CNTNAP2: variants seen among roughly 807,000 people sequenced by gnomAD.
CNTNAP2 encodes the protein contactin-associated protein-like 2.
CNTNAP2 carries 98 observed loss-of-function variants against 155.2 expected under a neutral mutation model. The observed-to-expected ratio is 0.63, with a 90% CI of 0.54 to 0.75. The LOEUF (loss-of-function observed/expected upper bound fraction) is 0.75, where lower values mean the gene tolerates loss of function less well. Ranked by LOEUF, CNTNAP2 falls within the 30% of genes least tolerant of loss-of-function variation. CNTNAP2 has a pLI of 0.00. For synonymous variants in CNTNAP2, 651 were observed against 631.2 expected, an observed-to-expected ratio of 1.03 and a Z score of -0.47; for missense variants, 1,727 against 1,688.1, an observed-to-expected ratio of 1.02 and a Z score of -0.40.
At chr7:147,580,771 G>T (rs976027477) in intron 12 of CNTNAP2, among the ~76,000 whole-genome samples, 4 of 151,962 alleles carry the variant, frequency 2.6e-5, no homozygotes, top group African/African-American at 9.7e-5. Flanking sequence ...ATGTGCCACC[G>T]TGCCCAGCTA....
chr7:148,254,517 C>G (rs1297151801), intron 20 of CNTNAP2, among the ~76,000 whole-genome samples: 1 of 152,098 alleles, frequency 6.6e-6, no homozygotes, highest in African/African-American at 2.4e-5. Flanking sequence ...TGGCTCATAC[C>G]TATAATCCCA....
At chr7:146,134,039 C>T (rs541719984) in intron 1 of CNTNAP2, among the ~76,000 whole-genome samples, 1 of 148,868 alleles carries the variant, frequency 6.7e-6, no homozygotes, top group South Asian at 2.2e-4. Flanking sequence ...ATTCTTCCTA[C>T]CCATGAGCAT....
At position 146,712,175 on chromosome 7, in the gene CNTNAP2, T is replaced by TA. The variant is rs1448087600; in HGVS notation, c.98-62096_98-62095insA. 3.7e-3 allele frequency among the ~76,000 whole-genome samples: 402 copies of TA among 108,456 alleles called. 54 individuals are homozygous for TA. Among genetic ancestry groups the TA allele is most frequent in the African/African-American group, 0.016 (379 of 23,558 alleles). 71.2% of individuals were successfully genotyped at this position (108,456 alleles called of 152,430 possible). ...TATACATATCTTATGTATACAAATA[T>TA]GTATACATATCTTATGTATACAAAT... is the stretch of plus-strand genomic sequence containing the variant. On this transcript the variant is annotated intron_variant, in intron 1 of 23. Transcript: ENST00000361727.
rs565996923 is a variant in CNTNAP2 at position 148,377,478 on chromosome 7, T to C, written c.3476-6171T>C. ...GTTTTAGAGCAATACAACAACGTTTTGAAAGACAAATCCATTTTTAATGAG... is the reference window on the plus strand; with the variant it reads ...GTTTTAGAGCAATACAACAACGTTTCGAAAGACAAATCCATTTTTAATGAG... On this transcript the variant is annotated intron_variant, in intron 21 of 23. Transcript: ENST00000361727. 3.0e-5 allele frequency among the ~76,000 whole-genome samples: 2 copies of C among 67,666 alleles called. 1 individual carries two copies. The highest frequency in any genetic ancestry group is 8.3e-4 in the South Asian group (2 of 2,416). 44.4% of individuals were successfully genotyped at this position (67,666 alleles called of 152,430 possible).
chr7:147,486,114 C>T, intron 11 of CNTNAP2, 73 bp downstream of exon 11: 7 of 1,264,432 alleles, frequency 5.5e-6, no homozygotes, highest in Non-Finnish European at 8.1e-6. Context: ...TGCTTTGAAG[C>T]TCAGCAACCT....
chr7:147,368,125 C>T (rs1796275490), intron 9 of CNTNAP2, among the ~76,000 whole-genome samples: 1 of 142,552 alleles, frequency 7.0e-6, no homozygotes, highest in Non-Finnish European at 1.5e-5. Context: ...CACACACACA[C>T]ACACACAAAT....
intron 15 of CNTNAP2, among the ~76,000 whole-genome samples, chr7:148,081,531 C>T (rs1039464657): frequency 4.6e-5 from 7 of 152,086 alleles, no homozygotes; most frequent in African/African-American, 1.7e-4. Context: ...GCTTCCTGCC[C>T]TCAAACATTG....
At chr7:146,305,752 T>C (rs1437962166) in intron 1 of CNTNAP2, among the ~76,000 whole-genome samples, 3 of 151,904 alleles carry the variant, frequency 2.0e-5, no homozygotes, top group South Asian at 4.1e-4. Flanking sequence ...AAGCAGCGTG[T>C]AGGGGGAAAT....
At chr7:148,112,518 A>C (rs1319743253) in intron 15 of CNTNAP2, among the ~76,000 whole-genome samples, 3 of 151,970 alleles carry the variant, frequency 2.0e-5, no homozygotes, top group Non-Finnish European at 4.4e-5. Flanking sequence ...ACTCCTGAGC[A>C]CAAGGGATCC....
At chr7:147,095,917 C>T (rs1373592383) in intron 4 of CNTNAP2, among the ~76,000 whole-genome samples, 1 of 152,190 alleles carries the variant, frequency 6.6e-6, no homozygotes, top group Non-Finnish European at 1.5e-5. Flanking sequence ...CAGGCAGCTT[C>T]TCCCTTCATA....
At chr7:147,128,926 CA>C in intron 7 of CNTNAP2, 90 bp downstream of exon 7, 3 of 1,520,250 alleles carry the variant, frequency 2.0e-6, no homozygotes, top group Non-Finnish European at 1.8e-6. Flanking sequence ...AAAATCATGA[CA>C]TTTTTCATCA....
chr7:147,764,387 G>A (rs945655229), intron 13 of CNTNAP2, among the ~76,000 whole-genome samples: 13 of 152,126 alleles, frequency 8.5e-5, no homozygotes, highest in Non-Finnish European at 1.6e-4. Flanking sequence ...TAAGCTGAAA[G>A]CACACTCCAA....
chr7:147,343,449 A>T (rs989224731), intron 9 of CNTNAP2, among the ~76,000 whole-genome samples: 1 of 152,158 alleles, frequency 6.6e-6, no homozygotes, highest in Non-Finnish European at 1.5e-5. Flanking sequence ...GTGGATAAAA[A>T]GATGAATTGC....
rs369444433 is a variant in CNTNAP2 at position 147,859,736 on chromosome 7, C to T, written c.2099-43829C>T. On this transcript the variant is annotated intron_variant, in intron 13 of 23. Transcript: ENST00000361727. Reference sequence around the variant, plus strand: ...AGAATGTGTTAGTACAATGGGGCTTCTTCTCAAGAGCAAAGTAACTTTGAA... The same window carrying T: ...AGAATGTGTTAGTACAATGGGGCTTTTTCTCAAGAGCAAAGTAACTTTGAA... Among the ~76,000 whole-genome samples the T allele has an allele frequency of 8.1e-3, 1,239 of 152,164 alleles. 13 individuals are homozygous for T. Among genetic ancestry groups the T allele is most frequent in the Non-Finnish European group, 0.013 (892 of 67,998 alleles).
intron 4 of CNTNAP2, among the ~76,000 whole-genome samples, chr7:147,058,893 C>T (rs1379099975): frequency 1.3e-5 from 2 of 152,242 alleles, no homozygotes; most frequent in Non-Finnish European, 2.9e-5. Flanking sequence ...GCATGAGCCA[C>T]CATTCCCGTC....
intron 11 of CNTNAP2, among the ~76,000 whole-genome samples, chr7:147,499,544 A>C (rs1288268347): frequency 1.3e-5 from 2 of 152,042 alleles, no homozygotes; most frequent in Non-Finnish European, 2.9e-5. Flanking sequence ...AAAAATACCG[A>C]TATAATGATG....
intron 13 of CNTNAP2, among the ~76,000 whole-genome samples, chr7:147,852,806 T>G (rs1798971137): frequency 6.6e-6 from 1 of 152,170 alleles, no homozygotes; most frequent in Admixed American, 6.5e-5. Flanking sequence ...AGATATTATT[T>G]TATGAGACTA....
At chr7:147,955,747 C>T (rs1382134093) in intron 14 of CNTNAP2, among the ~76,000 whole-genome samples, 1 of 152,146 alleles carries the variant, frequency 6.6e-6, no homozygotes, top group Non-Finnish European at 1.5e-5. Context: ...GTCAAGGTAT[C>T]CCTGAGAACC....
Position 146,847,425 on chromosome 7 carries a change from C to A in CNTNAP2, c.402+7521C>A, listed in dbSNP as rs1308697601. On this transcript the variant is annotated intron_variant, in intron 3 of 23. Transcript: ENST00000361727. ...CGCAGATTCTTTAAGCTTTCTGTGCCTAAAGTTCCCAACCTGTAAAATGGG... is the reference window on the plus strand; with the variant it reads ...CGCAGATTCTTTAAGCTTTCTGTGCATAAAGTTCCCAACCTGTAAAATGGG... Among the ~76,000 whole-genome samples, 5 of 152,198 alleles carry A rather than the reference C, an allele frequency of 3.3e-5. No homozygotes were observed. In the South Asian group the frequency reaches 8.3e-4, roughly 25 times the overall value.
Sources: gnomAD v4.1 joint callset for allele counts (sites outside exome capture counted in the v4.1 genomes callset) on GRCh38, gnomAD v4.1.1 for gene constraint, MANE v1.5 for transcripts, NCBI Gene and HGNC (gene_info 2026-07-23, HGNC 2026-07-21) for gene names.